The following SLC9A9 variants were observed in gnomAD, a reference collection of about 807,000 sequenced individuals.
SLC9A9 encodes solute carrier family 9 member A9.
Under a neutral mutation model 77.8 loss-of-function variants are expected in SLC9A9, and 62 were observed. That is an observed-to-expected ratio of 0.80 (90% CI 0.65 to 0.98). The LOEUF (loss-of-function observed/expected upper bound fraction) is 0.98. SLC9A9 is among the 50% of genes least tolerant of loss of function. The pLI, the probability that SLC9A9 is intolerant of heterozygous loss-of-function variation, is 0.00. For synonymous variants in SLC9A9, 320 were observed against 283.5 expected (o/e 1.13, Z -1.29); for missense variants, 775 against 774.9 (o/e 1.00, Z 0.00).
intron 13 of SLC9A9, among the ~76,000 whole-genome samples, chr3:143,380,014 C>T (rs996397045): frequency 4.6e-5 from 7 of 152,080 alleles, no homozygotes; most frequent in African/African-American, 1.7e-4. Context: ...TTCATAAACC[C>T]AATTTCCCTT....
intron 12 of SLC9A9, among the ~76,000 whole-genome samples, chr3:143,428,393 A>G (rs1002910609): frequency 2.2e-4 from 34 of 152,220 alleles, no homozygotes; most frequent in African/African-American, 8.2e-4. Context: ...ACCTCACCCC[A>G]GTTAGAATGC....
chr3:143,366,154 C>T (rs1373012412), intron 13 of SLC9A9, among the ~76,000 whole-genome samples: 1 of 152,174 alleles, frequency 6.6e-6, no homozygotes, highest in Non-Finnish European at 1.5e-5. Context: ...TTCTGGCAGC[C>T]AGTCTGCAGC....
chr3:143,483,151 C>T (rs1456889058), intron 11 of SLC9A9, among the ~76,000 whole-genome samples: 1 of 152,176 alleles, frequency 6.6e-6, no homozygotes, highest in Non-Finnish European at 1.5e-5. Flanking sequence ...ACGTTGACAC[C>T]CATGTGGCAT....
At chr3:143,376,195 C>T (rs2033177517) in intron 13 of SLC9A9, among the ~76,000 whole-genome samples, 2 of 152,164 alleles carry the variant, frequency 1.3e-5, no homozygotes, top group South Asian at 4.1e-4. Flanking sequence ...GAGGAATATA[C>T]TCTAGCCTCT....
intron 4 of SLC9A9, among the ~76,000 whole-genome samples, chr3:143,750,729 A>C (rs1025961903): frequency 6.7e-5 from 7 of 104,060 alleles, no homozygotes; most frequent in East Asian, 1.0e-3. Context: ...TGTTAAATAT[A>C]TATCTATATA....
At chr3:143,753,567 A>G (rs1251103352) in intron 4 of SLC9A9, among the ~76,000 whole-genome samples, 1 of 152,192 alleles carries the variant, frequency 6.6e-6, no homozygotes, top group East Asian at 1.9e-4. Flanking sequence ...CTCTGGCTAC[A>G]GTAATTGAGT....
At chr3:143,530,387 C>G (rs888701189) in intron 9 of SLC9A9, among the ~76,000 whole-genome samples, 1 of 152,094 alleles carries the variant, frequency 6.6e-6, no homozygotes, top group Non-Finnish European at 1.5e-5. Flanking sequence ...AAACCCCTTT[C>G]GCTTGGCTAT....
intron 12 of SLC9A9, among the ~76,000 whole-genome samples, chr3:143,450,602 A>AC (rs2034989180): frequency 1.2e-4 from 7 of 56,104 alleles, no homozygotes; most frequent in African/African-American, 4.4e-4. Flanking sequence ...AATGCCTCCT[A>AC]TTTAATGAAA....
intron 5 of SLC9A9, among the ~76,000 whole-genome samples, chr3:143,690,377 TG>T (rs879800565): frequency 6.6e-6 from 1 of 152,008 alleles, no homozygotes; most frequent in South Asian, 2.1e-4. Context: ...TAAAAACAAT[TG>T]ACAATCCAGC....
chr3:143,633,807 T>A (rs1233660517), intron 6 of SLC9A9, among the ~76,000 whole-genome samples: 1 of 152,228 alleles, frequency 6.6e-6, no homozygotes, highest in Admixed American at 6.5e-5. Flanking sequence ...TATTCTAAAA[T>A]TCTAAAATAT....
intron 4 of SLC9A9, among the ~76,000 whole-genome samples, chr3:143,761,994 T>C (rs1233963783): frequency 1.2e-4 from 19 of 152,324 alleles, no homozygotes; most frequent in Admixed American, 1.2e-3. Flanking sequence ...ATATACACCA[T>C]GGAATACTAT....
intron 5 of SLC9A9, among the ~76,000 whole-genome samples, chr3:143,660,439 A>G (rs1400392470): frequency 6.6e-6 from 1 of 152,168 alleles, no homozygotes; most frequent in Non-Finnish European, 1.5e-5. Context: ...TGGTCTTCTG[A>G]TGGGAAGAAA....
At chr3:143,346,244 T>C (rs983436289) in intron 14 of SLC9A9, among the ~76,000 whole-genome samples, 1 of 152,190 alleles carries the variant, frequency 6.6e-6, no homozygotes, top group Admixed American at 6.5e-5. Flanking sequence ...AAGAAGATTA[T>C]TCTATAAAAA....
At chr3:143,630,801 G>T (rs1037447007) in intron 6 of SLC9A9, among the ~76,000 whole-genome samples, 1 of 152,104 alleles carries the variant, frequency 6.6e-6, no homozygotes, top group Non-Finnish European at 1.5e-5. Context: ...TGTTACCTAA[G>T]ATTATTTATC....
At chr3:143,387,038 G>T (rs559244357) in intron 12 of SLC9A9, among the ~76,000 whole-genome samples, 18 of 152,138 alleles carry the variant, frequency 1.2e-4, no homozygotes, top group African/African-American at 4.3e-4. Context: ...ATGGGGTTTT[G>T]TCATATTGCC....
chr3:143,803,276 G>GT (rs1211372344), intron 2 of SLC9A9, among the ~76,000 whole-genome samples: 1 of 152,158 alleles, frequency 6.6e-6, no homozygotes, highest in Non-Finnish European at 1.5e-5. Context: ...CTGAAGAACA[G>GT]TAACAACCCT....
intron 10 of SLC9A9, among the ~76,000 whole-genome samples, chr3:143,494,370 C>A (rs1173583242): frequency 6.6e-6 from 1 of 152,096 alleles, no homozygotes; most frequent in Admixed American, 6.5e-5. Context: ...TTTTTGTTGT[C>A]TTTGACTCCT....
intron 6 of SLC9A9, among the ~76,000 whole-genome samples, chr3:143,644,302 T>C (rs1322472273): frequency 6.6e-6 from 1 of 152,216 alleles, no homozygotes; most frequent in East Asian, 1.9e-4. Flanking sequence ...TCCACATGGA[T>C]TTCTTTTATT....
intron 6 of SLC9A9, among the ~76,000 whole-genome samples, chr3:143,639,488 T>C (rs766989786): frequency 2.0e-5 from 3 of 152,194 alleles, no homozygotes; most frequent in Non-Finnish European, 4.4e-5. Flanking sequence ...CACTGATGCA[T>C]CATGACAAAA....
Sources: gnomAD v4.1 joint callset for allele counts (sites outside exome capture counted in the v4.1 genomes callset) on GRCh38, gnomAD v4.1.1 for gene constraint, MANE v1.5 for transcripts, NCBI Gene and HGNC (gene_info 2026-07-23, HGNC 2026-07-21) for gene names.